Variants in TRMT11 observed in about 807,000 individuals in gnomAD.
TRMT11 encodes tRNA (guanine(10)-N(2))-methyltransferase TRMT11.
Under a neutral mutation model 62.8 loss-of-function variants are expected in TRMT11, and 53 were observed. That is an observed-to-expected ratio of 0.84 (90% CI 0.68 to 1.06). The LOEUF is 1.06. TRMT11 is among the 50% of genes least tolerant of loss of function. TRMT11 has a pLI of 0.00. For missense variants in TRMT11, 556 were observed against 553.4 expected (o/e 1.00, Z -0.05); for synonymous variants, 188 against 190.3 (o/e 0.99, Z 0.10).
chr6:126,014,606 T>C (rs1291137087), intron 11 of TRMT11, among the ~76,000 whole-genome samples: 2 of 152,250 alleles, frequency 1.3e-5, no homozygotes, highest in Non-Finnish European at 2.9e-5. Flanking sequence ...TCTACAAAGA[T>C]TGGTAGTCCC....
chr6:126,111,143 T>C (rs1337961071), intron 17 of TRMT11, among the ~76,000 whole-genome samples: 1 of 152,048 alleles, frequency 6.6e-6, no homozygotes, highest in Non-Finnish European at 1.5e-5. Flanking sequence ...CTGCCATGGC[T>C]CAGACCCCAT....
At position 126,146,921 on chromosome 6, in the gene TRMT11, TCA is replaced by T. The variant is rs1777981739; in HGVS notation, c.*1824-27903_*1824-27902del. Among the ~76,000 whole-genome samples the T allele has an allele frequency of 5.1e-5, 2 of 39,232 alleles. 1 individual carries two copies. The highest frequency in any genetic ancestry group is 2.4e-4 in the African/African-American group (2 of 8,250). The allele number at this position is 39,232 out of a possible 152,430, so 25.7% of individuals were successfully genotyped here. A position where few individuals can be genotyped will look rare whatever the true frequency, so the allele number is the denominator to read the frequency against. ...CTAAAAGTGATTATTAGACATAATGTCAAGATGCTCATATTCTGCTTAGGGGT... is the reference window on the plus strand; with the variant it reads ...CTAAAAGTGATTATTAGACATAATGTAGATGCTCATATTCTGCTTAGGGGT... On this transcript the variant is annotated intron_variant and NMD_transcript_variant, in intron 21 of 22. Transcript: ENST00000648977.
At chr6:126,031,235 C>A (rs1178790151) in intron 12 of TRMT11, among the ~76,000 whole-genome samples, 1 of 152,064 alleles carries the variant, frequency 6.6e-6, no homozygotes, top group Non-Finnish European at 1.5e-5. Context: ...GGAAAAAAAG[C>A]CATTTGCTTA....
chr6:125,999,671 G>A, intron 7 of TRMT11, 58 bp downstream of exon 7: 1 of 1,450,778 alleles, frequency 6.9e-7, no homozygotes, highest in South Asian at 1.4e-5. Context: ...TATTAATGAA[G>A]GTCATGGTAA....
At chr6:126,178,716 G>C (rs928215112) in intron 1 of TRMT11, among the ~76,000 whole-genome samples, 1 of 152,090 alleles carries the variant, frequency 6.6e-6, no homozygotes, top group Non-Finnish European at 1.5e-5. Context: ...TTGGTGTCTA[G>C]GTCTTTTTTC....
At chr6:126,236,692 A>T in the TRMT11 span, among the ~76,000 whole-genome samples, 2 of 152,168 alleles carry the variant, frequency 1.3e-5, no homozygotes, top group Non-Finnish European at 2.9e-5. Flanking sequence ...AGGAAGGAAT[A>T]TTTATTTCCA....
chr6:126,013,632 G>A (rs1369360812), intron 11 of TRMT11, among the ~76,000 whole-genome samples: 1 of 152,164 alleles, frequency 6.6e-6, no homozygotes, highest in Non-Finnish European at 1.5e-5. Flanking sequence ...CACGGCCTAT[G>A]GGCCAGATAT....
Position 126,006,598 on chromosome 6 carries a change from C to CTT in TRMT11, c.680-1785_680-1784dup, listed in dbSNP as rs11434290. Among the ~76,000 whole-genome samples, 165 of 147,148 alleles carry CTT rather than the reference C, an allele frequency of 1.1e-3. 1 individual carries two copies. Among genetic ancestry groups the CTT allele is most frequent in the Middle Eastern group, 0.01 (3 of 288 alleles). ...CTTGCCTCCTTGACACTTCACTCTC[C>CTT]TTTTTTTTTTAGCACCCCTTCTTCC... is the stretch of plus-strand genomic sequence containing the variant. On this transcript the variant is annotated intron_variant, in intron 7 of 12. Coordinates refer to ENST00000334379, the MANE Select transcript of TRMT11 (RefSeq NM_001031712.3).
chr6:126,078,644 G>C (rs1056801750), intron 17 of TRMT11, among the ~76,000 whole-genome samples: 2 of 152,196 alleles, frequency 1.3e-5, no homozygotes, highest in African/African-American at 2.4e-5. Flanking sequence ...CACTTGGCCA[G>C]TGCCGTGAGC....
At chr6:126,118,112 G>A (rs1777610870) in intron 21 of TRMT11, among the ~76,000 whole-genome samples, 1 of 152,078 alleles carries the variant, frequency 6.6e-6, no homozygotes, top group Non-Finnish European at 1.5e-5. Flanking sequence ...CTCTTGAAGA[G>A]ATTCAGGCCC....
At chr6:126,220,608 C>T in the TRMT11 span, among the ~76,000 whole-genome samples, 2 of 152,148 alleles carry the variant, frequency 1.3e-5, no homozygotes, top group East Asian at 3.8e-4. Flanking sequence ...AGCTGATATG[C>T]CAGCAGTCTC....
intron 21 of TRMT11, among the ~76,000 whole-genome samples, chr6:126,130,632 T>C (rs2128206095): frequency 6.6e-6 from 1 of 152,182 alleles, no homozygotes; most frequent in East Asian, 1.9e-4. Flanking sequence ...TGGTACACAA[T>C]TTTCCAACTT....
At chr6:126,093,631 A>ATATATATATATATTTTTTTTTTT (rs1554236842) in intron 17 of TRMT11, among the ~76,000 whole-genome samples, 1 of 98,016 alleles carries the variant, frequency 1.0e-5, no homozygotes, top group Non-Finnish European at 2.0e-5. Flanking sequence ...ATATATATAT[A>ATATATATATATATTTTTTTTTTT]TTTTCCCCCA....
chr6:126,168,682 C>G (rs1778295872), intron 21 of TRMT11, among the ~76,000 whole-genome samples: 1 of 152,160 alleles, frequency 6.6e-6, no homozygotes, highest in African/African-American at 2.4e-5. Context: ...CCTCGCCCAG[C>G]TAATTTTTAT....
At chr6:126,133,986 T>G (rs1473364945) in intron 21 of TRMT11, among the ~76,000 whole-genome samples, 2 of 151,966 alleles carry the variant, frequency 1.3e-5, no homozygotes, top group Non-Finnish European at 2.9e-5. Context: ...ACTCCCCTTT[T>G]CTTCTCATAT....
At chr6:126,092,362 C>A (rs535559157) in intron 17 of TRMT11, among the ~76,000 whole-genome samples, 17 of 152,132 alleles carry the variant, frequency 1.1e-4, no homozygotes, top group Non-Finnish European at 2.2e-4. Context: ...AAAGGCCTAT[C>A]TTACATGGTG....
chr6:125,996,923 T>G (rs1327241687), intron 3 of TRMT11, among the ~76,000 whole-genome samples: 1 of 152,144 alleles, frequency 6.6e-6, no homozygotes, highest in Non-Finnish European at 1.5e-5. Flanking sequence ...GCCTTTAATC[T>G]TTTACAGTGA....
At chr6:126,097,300 T>C (rs1777351701) in intron 17 of TRMT11, among the ~76,000 whole-genome samples, 1 of 152,178 alleles carries the variant, frequency 6.6e-6, no homozygotes, top group African/African-American at 2.4e-5. Context: ...GGAGACCTAC[T>C]AACTGCTAAA....
At chr6:126,124,280 A>G (rs1023136826) in intron 21 of TRMT11, among the ~76,000 whole-genome samples, 1 of 152,030 alleles carries the variant, frequency 6.6e-6, no homozygotes, top group Non-Finnish European at 1.5e-5. Flanking sequence ...CTGGAGAGGA[A>G]TTTTATTCTA....
Sources: gnomAD v4.1 joint callset for allele counts (sites outside exome capture counted in the v4.1 genomes callset) on GRCh38, gnomAD v4.1.1 for gene constraint, MANE v1.5 for transcripts, NCBI Gene and HGNC (gene_info 2026-07-23, HGNC 2026-07-21) for gene names.